AGBL4: variants seen among roughly 807,000 people sequenced by gnomAD.
AGBL4 encodes the protein AGBL carboxypeptidase 4.
Under a neutral mutation model 66.4 loss-of-function variants are expected in AGBL4, and 58 were observed. The ratio of observed to expected loss-of-function variants is 0.87; its 90% CI spans 0.71 to 1.09. AGBL4 has a LOEUF of 1.09. AGBL4 is among the 50% of genes least tolerant of loss of function. AGBL4 has a pLI of 0.00. For missense variants in AGBL4, 579 were observed against 631.0 expected (o/e 0.92, Z 0.88); for synonymous variants, 234 against 222.9 (o/e 1.05, Z -0.44).
intron 1 of AGBL4, among the ~76,000 whole-genome samples, chr1:49,968,845 C>T (rs573509552): frequency 1.3e-5 from 2 of 152,318 alleles, no homozygotes; most frequent in Non-Finnish European, 2.9e-5. Context: ...GAGCCTTAGT[C>T]TCTCATGGCA....
intron 5 of AGBL4, among the ~76,000 whole-genome samples, chr1:48,885,735 G>A (rs1172559204): frequency 6.6e-6 from 1 of 152,108 alleles, no homozygotes; most frequent in Non-Finnish European, 1.5e-5. Context: ...AGACCATCAT[G>A]GGTGCCTAGA....
At chr1:48,666,643 T>C (rs1282702474) in intron 6 of AGBL4, among the ~76,000 whole-genome samples, 1 of 152,248 alleles carries the variant, frequency 6.6e-6, no homozygotes, top group Non-Finnish European at 1.5e-5. Flanking sequence ...TAGCTATTAT[T>C]ATTTTCATTT....
intron 4 of AGBL4, among the ~76,000 whole-genome samples, chr1:49,241,287 T>C (rs1651211860): frequency 6.6e-6 from 1 of 152,060 alleles, no homozygotes; most frequent in Admixed American, 6.6e-5. Context: ...TTTAGCTTGG[T>C]TTATAAGGCT....
chr1:49,009,325 C>A (rs1226106734), intron 5 of AGBL4, among the ~76,000 whole-genome samples: 2 of 151,930 alleles, frequency 1.3e-5, no homozygotes, highest in African/African-American at 4.8e-5. Context: ...AAGACTAAAC[C>A]AGGAAGAAGT....
intron 6 of AGBL4, among the ~76,000 whole-genome samples, chr1:48,850,187 C>T (rs1025155657): frequency 6.6e-6 from 1 of 152,070 alleles, no homozygotes; most frequent in Admixed American, 6.5e-5. Context: ...AGGATTTTAC[C>T]TATCAATGGA....
chr1:49,630,169 C>T (rs529540225), intron 3 of AGBL4, among the ~76,000 whole-genome samples: 18 of 152,294 alleles, frequency 1.2e-4, no homozygotes, highest in South Asian at 4.1e-4. Flanking sequence ...ACTACCTCTC[C>T]TATCACCTGT....
intron 3 of AGBL4, among the ~76,000 whole-genome samples, chr1:49,444,875 A>G (rs1646117771): frequency 6.7e-6 from 1 of 150,344 alleles, no homozygotes; most frequent in Non-Finnish European, 1.5e-5. Flanking sequence ...TGTTGTTCTG[A>G]TAGATTTCTG....
At chr1:49,525,333 G>T (rs1650574773) in intron 3 of AGBL4, among the ~76,000 whole-genome samples, 1 of 152,036 alleles carries the variant, frequency 6.6e-6, no homozygotes, top group Admixed American at 6.5e-5. Flanking sequence ...TGAGTGGTCA[G>T]GGAAAGCTTG....
In AGBL4 at chr1:49,356,429, A is replaced by G. The variant is rs538183636; in HGVS notation, c.283-110565T>C. Among the ~76,000 whole-genome samples the G allele has an allele frequency of 7.9e-5, 12 of 152,328 alleles. No individual in the cohort carries two copies. The South Asian group carries it at 2.5e-3, about 32-fold the overall frequency. On this transcript the variant is annotated intron_variant, in intron 3 of 13. Coordinates refer to ENST00000371839, the MANE Select transcript of AGBL4 (RefSeq NM_032785.4). Reference sequence around the variant, plus strand: ...AACAAGTGACTGATTAGCTATGCTGATTTGTAGATGTGTTTCCTAAAGCAG... The same window carrying G: ...AACAAGTGACTGATTAGCTATGCTGGTTTGTAGATGTGTTTCCTAAAGCAG...
At chr1:49,556,714 T>C (rs1206939404) in intron 3 of AGBL4, among the ~76,000 whole-genome samples, 2 of 151,946 alleles carry the variant, frequency 1.3e-5, no homozygotes, top group Middle Eastern at 3.2e-3. Context: ...GCCGGCACTC[T>C]TCAGCCCTTG....
At chr1:49,212,206 G>T (rs1264300646) in intron 4 of AGBL4, among the ~76,000 whole-genome samples, 1 of 152,062 alleles carries the variant, frequency 6.6e-6, no homozygotes, top group Non-Finnish European at 1.5e-5. Flanking sequence ...GCAAGAAGAA[G>T]AAATTTTCTC....
intron 2 of AGBL4, chr1:49,841,897 G>T: frequency 1.6e-6 from 1 of 631,188 alleles, no homozygotes; most frequent in East Asian, 3.9e-5. Context: ...CATGACCCCT[G>T]GGCTGCCTGT....
At position 49,762,436 on chromosome 1, in the gene AGBL4, G is replaced by A. The variant is rs541234808; in HGVS notation, c.158-64999C>T. 1.2e-4 allele frequency among the ~76,000 whole-genome samples: 17 copies of A among 147,300 alleles called. No individual in the cohort carries two copies. In the East Asian group the frequency reaches 2.0e-3, roughly 17 times the overall value. ...CTTCTTTTTTTTTTTTTTTTGAGAC[G>A]GAGTCTTGCTCTGTCGCCCAGGCTG... On this transcript the variant is annotated intron_variant, in intron 2 of 13. Transcript: ENST00000371839.
In AGBL4 at chr1:49,546,722, G is replaced by A. The variant is rs919874622; in HGVS notation, c.282+150591C>T. 2.6e-5 allele frequency among the ~76,000 whole-genome samples: 4 copies of A among 152,012 alleles called. No individual in the cohort carries two copies. In the East Asian group the frequency reaches 7.7e-4, roughly 29 times the overall value. ...ATTCTTGCAGGAGTAAGGTGGTATC[G>A]CATTGTGGTTTTGATTTGCATTTCC... On this transcript the variant is annotated intron_variant, in intron 3 of 13. Transcript: ENST00000371839.
At chr1:49,497,292 G>T (rs1326890274) in intron 3 of AGBL4, among the ~76,000 whole-genome samples, 1 of 151,956 alleles carries the variant, frequency 6.6e-6, no homozygotes, top group Non-Finnish European at 1.5e-5. Context: ...AAAGGTTGAA[G>T]ATATTTTCTC....
chr1:49,874,080 C>A (rs1432778571), intron 1 of AGBL4, among the ~76,000 whole-genome samples: 2 of 152,042 alleles, frequency 1.3e-5, no homozygotes, highest in African/African-American at 4.8e-5. Flanking sequence ...CCATATGCAG[C>A]TCCAACAAAG....
At chr1:49,214,303 T>C (rs1293639798) in intron 4 of AGBL4, among the ~76,000 whole-genome samples, 2 of 152,140 alleles carry the variant, frequency 1.3e-5, no homozygotes. Context: ...CAGTACACGA[T>C]GCACAAAAAT....
At chr1:48,668,531 C>T (rs933591393) in intron 6 of AGBL4, among the ~76,000 whole-genome samples, 5 of 152,128 alleles carry the variant, frequency 3.3e-5, no homozygotes, top group Non-Finnish European at 5.9e-5. Flanking sequence ...TCCCAAGACA[C>T]GACATGTTCT....
intron 6 of AGBL4, chr1:48,818,109 T>C (rs1646226595): frequency 2.8e-6 from 2 of 713,568 alleles, no homozygotes; most frequent in Admixed American, 4.1e-5. Context: ...ACCAGCTCCA[T>C]CTTCCAGCCG....
Sources: allele counts gnomAD v4.1 joint callset (sites outside exome capture counted in the v4.1 genomes callset), GRCh38; gene constraint gnomAD v4.1.1; transcripts MANE v1.5; gene names NCBI Gene and HGNC (gene_info 2026-07-23, HGNC 2026-07-21).